LRP6: variants seen among roughly 807,000 people sequenced by gnomAD.
LRP6 encodes the protein low-density lipoprotein receptor-related protein 6.
Under a neutral mutation model 184.1 loss-of-function variants are expected in LRP6, and 43 were observed. The ratio of observed to expected loss-of-function variants is 0.23; its 90% CI spans 0.18 to 0.30. LRP6 has a LOEUF of 0.30. Ranked by LOEUF, LRP6 falls within the 10% of genes least tolerant of loss-of-function variation. The probability of loss-of-function intolerance (pLI) is 1.00; values close to 1 mark genes in which losing one functional copy is unlikely to be tolerated. For missense variants in LRP6, 1,571 were observed against 2,005.3 expected (o/e 0.78, Z 4.14); for synonymous variants, 719 against 684.9 (o/e 1.05, Z -0.78).
chr12:12,193,633 T>A (rs570974127), intron 3 of LRP6, among the ~76,000 whole-genome samples: 3 of 152,020 alleles, frequency 2.0e-5, no homozygotes. Context: ...GACAAATTTA[T>A]GAAACAAAAA....
chr12:12,199,964 C>CA lies in LRP6; in HGVS notation c.647+3238dup, dbSNP rs146224493. 1.4e-3 allele frequency among the ~76,000 whole-genome samples: 63 copies of CA among 45,202 alleles called. 7 individuals carry two copies. Among genetic ancestry groups the CA allele is most frequent in the African/African-American group, 4.1e-3 (42 of 10,264 alleles). The allele number at this position is 45,202 out of a possible 152,430, so 29.7% of individuals were successfully genotyped here. A position where few individuals can be genotyped will look rare whatever the true frequency, so the allele number is the denominator to read the frequency against. On this transcript the variant is annotated intron_variant, in intron 3 of 22. Coordinates refer to ENST00000261349, the MANE Select transcript of LRP6 (RefSeq NM_002336.3). Reference sequence around the variant, plus strand: ...TGGGCAACAGAGCGAGACTCCATCTCAAAAAAAAAAAAAAAAAAAAAAAAA... The same window carrying CA: ...TGGGCAACAGAGCGAGACTCCATCTCAAAAAAAAAAAAAAAAAAAAAAAAAA...
intron 2 of LRP6, among the ~76,000 whole-genome samples, chr12:12,212,069 A>G (rs1233450478): frequency 2.0e-5 from 3 of 152,164 alleles, no homozygotes; most frequent in Non-Finnish European, 4.4e-5. Context: ...TCCAGGTACA[A>G]ACTACATCTC....
intron 7 of LRP6, among the ~76,000 whole-genome samples, chr12:12,167,036 C>G (rs1862896143): frequency 6.6e-6 from 1 of 152,050 alleles, no homozygotes; most frequent in Admixed American, 6.5e-5. Context: ...GAGTTTGAGG[C>G]TGCAGTGAGC....
chr12:12,266,555 G>T, intron 1 of LRP6, 126 bp downstream of exon 1: 2 of 562,316 alleles, frequency 3.6e-6, no homozygotes, highest in South Asian at 6.4e-5. Context: ...CCCTCCCCAC[G>T]ACCAGGCCTC....
intron 1 of LRP6, among the ~76,000 whole-genome samples, chr12:12,250,929 T>C (rs1227443609): frequency 6.6e-6 from 1 of 151,188 alleles, no homozygotes; most frequent in Non-Finnish European, 1.5e-5. Flanking sequence ...GCTTGATTTT[T>C]TTCTTCTTCT....
intron 21 of LRP6, 97 bp downstream of exon 21, chr12:12,125,199 T>C: frequency 2.8e-6 from 4 of 1,447,528 alleles, no homozygotes; most frequent in Non-Finnish European, 3.9e-6. Context: ...ATTCAAAAAC[T>C]ACTTTTACAT....
chr12:12,132,585 C>G, intron 17 of LRP6, among the ~76,000 whole-genome samples: 1 of 152,114 alleles, frequency 6.6e-6, no homozygotes, highest in East Asian at 1.9e-4. Flanking sequence ...AACTTGGTAC[C>G]TTAGCAGACT....
At chr12:12,214,559 A>G (rs893308083) in intron 2 of LRP6, among the ~76,000 whole-genome samples, 1 of 152,264 alleles carries the variant, frequency 6.6e-6, no homozygotes, top group Admixed American at 6.5e-5. Context: ...CAAAAGCTTA[A>G]AATTCATGAT....
In LRP6 at chr12:12,180,436, A is replaced by G. The variant is rs546302061; in HGVS notation, c.1374-455T>C. Among the ~76,000 whole-genome samples, 5 of 152,164 alleles carry G rather than the reference A, an allele frequency of 3.3e-5. No homozygotes were observed. The South Asian group carries it at 1.0e-3, about 32-fold the overall frequency. On this transcript the variant is annotated intron_variant, in intron 6 of 22. Transcript: ENST00000261349. ...ATTCTTACGGCTCCTGGATGTTTAG[A>G]TGGCTCTAAGGCATTGGTATATACT... is the stretch of plus-strand genomic sequence containing the variant.
rs1224290148 is a variant in LRP6 at position 12,181,158 on chromosome 12, T to C, written c.1258A>G (p.Thr420Ala). 6.2e-7 allele frequency: 1 copy of C among 1,614,104 alleles called. No individual in the cohort carries two copies. Among genetic ancestry groups the C allele is most frequent in the Admixed American group, 1.7e-5 (1 of 60,020 alleles). ...VDWVARNLYW[T>A]DTGTDRIEVT... Reference sequence around the variant, plus strand: ...TCTATTCGATCAGTGCCAGTGTCTGTCCAATAAAGATTTCGTGCAACCCAG... The same window carrying C: ...TCTATTCGATCAGTGCCAGTGTCTGCCCAATAAAGATTTCGTGCAACCCAG... Residue 420 changes from threonine to alanine, a missense_variant, in exon 6 of 23, where the codon ACA becomes GCA. Physicochemically the swap from Thr to Ala is moderately conservative, Grantham distance 58. Transcript: ENST00000261349.
At chr12:12,170,853 CT>C (rs754298133) in intron 7 of LRP6, among the ~76,000 whole-genome samples, 3 of 149,830 alleles carry the variant, frequency 2.0e-5, no homozygotes, top group Admixed American at 6.7e-5. Flanking sequence ...AAAAAAACTA[CT>C]TTTTTTCTTC....
intron 3 of LRP6, among the ~76,000 whole-genome samples, chr12:12,189,506 TA>T (rs1863559365): frequency 1.3e-5 from 2 of 152,268 alleles, no homozygotes; most frequent in South Asian, 4.1e-4. Context: ...ATACTAATAT[TA>T]ATTTTTTTTT....
At chr12:12,154,493 C>T (rs1404521162) in intron 12 of LRP6, among the ~76,000 whole-genome samples, 2 of 152,198 alleles carry the variant, frequency 1.3e-5, no homozygotes, top group Admixed American at 6.5e-5. Context: ...TGTTTTCCAA[C>T]GGCTGAAGTA....
In LRP6 at chr12:12,244,616, C is replaced by T. The variant is rs1240032267; in HGVS notation, c.95G>A (p.Arg32Gln). The stretch of plus-strand genomic sequence containing the variant: ...TTTGCCATTTGTAGCATCAACCAAT[C>T]GCAAGTCCCGTCTGTTTGCATAAAG... ...LLLYANRRDL[R>Q]LVDATNGKEN... Residue 32 changes from arginine (R) to glutamine (Q), a missense_variant, in exon 2 of 23, where the codon CGA (arginine) becomes CAA (glutamine). This residue lies in a region of LRP6 where 640 missense variants were observed against 851.9 expected (regional missense o/e 0.75). Coordinates refer to ENST00000261349, the MANE Select transcript of LRP6 (RefSeq NM_002336.3). The T allele has an allele frequency of 1.2e-6, 2 of 1,614,084 alleles. No individual in the cohort carries two copies. Among genetic ancestry groups the T allele is most frequent in the Non-Finnish European group, 1.7e-6 (2 of 1,180,014 alleles).
rs1214729928 is a variant in LRP6, at chr12:12,266,793, C to G, written c.-58G>C. On this transcript the variant is annotated 5_prime_UTR_variant, in exon 1 of 23. Transcript: ENST00000261349. The stretch of plus-strand genomic sequence containing the variant: ...GAGGGGTGGCCAGAAGTGGGGGAGG[C>G]GAGGAGCCGGGGCGGCCGCCGCAGC... The G allele has an allele frequency of 2.0e-6, 3 of 1,463,470 alleles. No individual in the cohort carries two copies. In the African/African-American group the frequency reaches 4.2e-5, roughly 21 times the overall value. 90.7% of individuals were successfully genotyped at this position (1,463,470 alleles called of 1,614,324 possible).
At chr12:12,187,365 T>G (rs1435225407) in intron 3 of LRP6, 1 of 518,946 alleles carries the variant, frequency 1.9e-6, no homozygotes, top group Admixed American at 3.2e-5. Context: ...CAGCCTCAAG[T>G]TCAGTACAAG....
chr12:12,253,695 T>C (rs1029944554), intron 1 of LRP6, among the ~76,000 whole-genome samples: 4 of 151,702 alleles, frequency 2.6e-5, no homozygotes, highest in African/African-American at 4.8e-5. Context: ...GTCCTTGCAA[T>C]AGGAGATCTT....
At chr12:12,248,167 G>A (rs1003023564) in intron 1 of LRP6, among the ~76,000 whole-genome samples, 10 of 152,158 alleles carry the variant, frequency 6.6e-5, no homozygotes, top group African/African-American at 1.4e-4. Context: ...CAATACTTTC[G>A]GTTCAGCCTC....
chr12:12,149,288 T>G (rs955523522), intron 13 of LRP6, 135 bp from the exon 14 acceptor site: 9 of 736,930 alleles, frequency 1.2e-5, no homozygotes, highest in Admixed American at 8.1e-5. Flanking sequence ...TATTTCTTAC[T>G]GATACCTTTT....
Sources: allele counts gnomAD v4.1 joint callset (sites outside exome capture counted in the v4.1 genomes callset), GRCh38; gene constraint gnomAD v4.1.1; regional missense constraint gnomAD v4.1.1; transcripts MANE v1.5; gene names NCBI Gene and HGNC (gene_info 2026-07-23, HGNC 2026-07-21).